FGGY: variants seen among roughly 807,000 people sequenced by gnomAD.
The protein encoded by FGGY is FGGY carbohydrate kinase domain-containing protein.
In FGGY, 72 loss-of-function variants were observed where a neutral mutation model predicts 71.3. That is an observed-to-expected ratio of 1.01 (90% CI 0.84 to 1.23). FGGY has a LOEUF of 1.23. Among genes scored for constraint, FGGY ranks in the 50% most tolerant of loss-of-function variants. The pLI is 0.00. For synonymous variants in FGGY, 251 were observed against 250.3 expected (o/e 1.00, Z -0.02); for missense variants, 668 against 682.3 (o/e 0.98, Z 0.23).
At chr1:59,630,315 T>C (rs915069190) in intron 10 of FGGY, among the ~76,000 whole-genome samples, 1 of 152,112 alleles carries the variant, frequency 6.6e-6, no homozygotes, top group African/African-American at 2.4e-5. Context: ...TTACTACTAA[T>C]GATTGTAAGA....
chr1:59,456,969 G>C lies in FGGY; in HGVS notation c.563G>C (p.Cys188Ser), dbSNP rs375830863. The change falls in exon 6 of 16, where the codon TGC (cysteine) becomes TCC (serine). Residue 188 changes from cysteine (C) to serine (S), a missense_variant. By Grantham distance (112) the Cys-to-Ser change is moderately radical (BLOSUM62 -1). This residue lies in a region of FGGY where 661 missense variants were observed against 661.6 expected (regional missense o/e 1.00). Transcript: ENST00000303721. ...CTCTTCTATTTTCTTAGGTCTCTCT[G>C]CTCCCTGGTGTGTAAGTGGACATAT... ...KATGVTARSLCSLVCKWTYSA... is the reference protein window; with the variant it reads ...KATGVTARSLSSLVCKWTYSA... 1 of 1,612,556 alleles carries C rather than the reference G, an allele frequency of 6.2e-7. No individual in the cohort carries two copies. Among genetic ancestry groups the C allele is most frequent in the Non-Finnish European group, 8.5e-7 (1 of 1,178,752 alleles).
rs56317098 is a variant in FGGY, at chr1:59,722,167, AT to A, written c.1513-35751del. ...ATGTCCTTCAGTTGAGATTTGTCTAATTTTTTTTTTTTTCATGATTGGAGTT... is the reference window on the plus strand; with the variant it reads ...ATGTCCTTCAGTTGAGATTTGTCTAATTTTTTTTTTTTCATGATTGGAGTT... On this transcript the variant is annotated intron_variant, in intron 14 of 15. Coordinates refer to ENST00000303721, the MANE Select transcript of FGGY (RefSeq NM_018291.5). Among the ~76,000 whole-genome samples, 127 of 147,738 alleles carry A rather than the reference AT, an allele frequency of 8.6e-4. 1 individual carries two copies. Among genetic ancestry groups the A allele is most frequent in the African/African-American group, 2.5e-3 (100 of 40,284 alleles).
intron 4 of FGGY, among the ~76,000 whole-genome samples, chr1:59,353,191 A>T (rs2053627890): frequency 1.3e-5 from 2 of 152,352 alleles, no homozygotes; most frequent in African/African-American, 4.8e-5. Flanking sequence ...GGACAATAGT[A>T]TCAGTCTTGT....
chr1:59,506,313 G>A (rs1282235299), intron 6 of FGGY, among the ~76,000 whole-genome samples: 2 of 149,294 alleles, frequency 1.3e-5, no homozygotes, highest in African/African-American at 2.5e-5. Flanking sequence ...GGAAGTTTAT[G>A]TGCTTACATT....
chr1:59,683,611 C>G (rs1010598451), intron 14 of FGGY, among the ~76,000 whole-genome samples: 1 of 152,166 alleles, frequency 6.6e-6, no homozygotes, highest in Non-Finnish European at 1.5e-5. Context: ...GTTGCCATCT[C>G]TTTTTAAACC....
chr1:59,493,523 A>T (rs934886977), intron 6 of FGGY, among the ~76,000 whole-genome samples: 2 of 152,328 alleles, frequency 1.3e-5, no homozygotes, highest in Non-Finnish European at 2.9e-5. Flanking sequence ...GTTAAATGAA[A>T]TAAGGCAGTC....
At chr1:59,581,918 C>T (rs995622517) in intron 8 of FGGY, among the ~76,000 whole-genome samples, 4 of 149,878 alleles carry the variant, frequency 2.7e-5, no homozygotes, top group Admixed American at 1.3e-4. Context: ...TCTGTAATAA[C>T]ATGAAAAATA....
At chr1:59,409,893 C>A (rs2063349929) in intron 5 of FGGY, among the ~76,000 whole-genome samples, 1 of 152,094 alleles carries the variant, frequency 6.6e-6, no homozygotes, top group African/African-American at 2.4e-5. Flanking sequence ...CTGATAGGAA[C>A]CATGTGAAGA....
At chr1:59,307,675 A>G (rs992977352) in intron 1 of FGGY, among the ~76,000 whole-genome samples, 2 of 152,202 alleles carry the variant, frequency 1.3e-5, no homozygotes, top group African/African-American at 4.8e-5. Flanking sequence ...GGCTCAAAAT[A>G]TAAGTAAGTC....
chr1:59,587,792 T>C (rs1208061611), intron 8 of FGGY, among the ~76,000 whole-genome samples: 1 of 152,004 alleles, frequency 6.6e-6, no homozygotes, highest in East Asian at 1.9e-4. Flanking sequence ...CAAAAACCCA[T>C]CTGTACGTCG....
intron 13 of FGGY, 107 bp downstream of exon 13, chr1:59,667,510 A>C: frequency 7.6e-7 from 1 of 1,322,238 alleles, no homozygotes; most frequent in Non-Finnish European, 1.0e-6. Flanking sequence ...GGTATGCCAG[A>C]TTATTAGAAT....
At chr1:59,531,980 G>A (rs1404019055) in intron 7 of FGGY, among the ~76,000 whole-genome samples, 2 of 152,134 alleles carry the variant, frequency 1.3e-5, no homozygotes, top group Non-Finnish European at 2.9e-5. Flanking sequence ...CATATGTAAT[G>A]TCTGCATTGA....
At chr1:59,388,704 G>C (rs1353440317) in intron 5 of FGGY, among the ~76,000 whole-genome samples, 1 of 151,990 alleles carries the variant, frequency 6.6e-6, no homozygotes, top group African/African-American at 2.4e-5. Flanking sequence ...CATACTATAT[G>C]ATTCACTAAT....
At chr1:59,669,973 C>T (rs2097363058) in intron 13 of FGGY, among the ~76,000 whole-genome samples, 1 of 152,162 alleles carries the variant, frequency 6.6e-6, no homozygotes, top group African/African-American at 2.4e-5. Context: ...AACTGTTCTC[C>T]TCTAGGCTGT....
chr1:59,432,005 T>C (rs912778970), intron 5 of FGGY, among the ~76,000 whole-genome samples: 1 of 152,144 alleles, frequency 6.6e-6, no homozygotes, highest in Non-Finnish European at 1.5e-5. Flanking sequence ...ATGTGATGGA[T>C]AGCAGCTCAG....
chr1:59,332,776 A>G (rs956181474), intron 2 of FGGY, among the ~76,000 whole-genome samples: 1 of 152,212 alleles, frequency 6.6e-6, no homozygotes, highest in African/African-American at 2.4e-5. Flanking sequence ...TACTCCCGCC[A>G]TGATTCTTAG....
intron 4 of FGGY, among the ~76,000 whole-genome samples, chr1:59,365,326 G>A (rs1467823898): frequency 2.0e-5 from 3 of 152,136 alleles, no homozygotes; most frequent in South Asian, 2.1e-4. Context: ...AGAAGGTCCC[G>A]GAGAGTGAGA....
chr1:59,391,930 A>G (rs1315141678), intron 5 of FGGY, among the ~76,000 whole-genome samples: 1 of 152,210 alleles, frequency 6.6e-6, no homozygotes, highest in Non-Finnish European at 1.5e-5. Flanking sequence ...TCTGTTGAAA[A>G]TGTTTTGGAA....
rs572554493 is a variant in FGGY at position 59,302,564 on chromosome 1, C to T, written c.-15+5414C>T. On this transcript the variant is annotated intron_variant, in intron 1 of 15. Transcript: ENST00000303721. ...TATCCTGAGCCAGCTAACACAGAAA[C>T]AGAAAACCAAAAATACTGCATGTTC... 7.2e-5 allele frequency among the ~76,000 whole-genome samples: 11 copies of T among 152,024 alleles called. 1 individual carries two copies. Among genetic ancestry groups the T allele is most frequent in the Admixed American group, 2.0e-4 (3 of 15,262 alleles).
Sources: gnomAD v4.1 joint callset for allele counts (sites outside exome capture counted in the v4.1 genomes callset) on GRCh38, gnomAD v4.1.1 for gene constraint, gnomAD v4.1.1 regional missense constraint, MANE v1.5 for transcripts, NCBI Gene and HGNC (gene_info 2026-07-23, HGNC 2026-07-21) for gene names.